The following DNM2 variants were observed in gnomAD, a reference collection of about 807,000 sequenced individuals.
DNM2 encodes dynamin-2.
Under a neutral mutation model 99.0 loss-of-function variants are expected in DNM2, and 15 were observed. The observed-to-expected ratio is 0.15, with a 90% CI of 0.10 to 0.23. DNM2 has a LOEUF of 0.23. DNM2 is among the 10% of genes least tolerant of loss of function. DNM2 has a pLI of 1.00. For missense variants in DNM2, 742 were observed against 1,189.4 expected, an observed-to-expected ratio of 0.62 and a Z score of 5.53; for synonymous variants, 525 against 481.2, an observed-to-expected ratio of 1.09 and a Z score of -1.19.
chr19:10,734,348 A>AAT (rs2069443497), intron 1 of DNM2, among the ~76,000 whole-genome samples: 1 of 151,140 alleles, frequency 6.6e-6, no homozygotes, highest in Admixed American at 6.6e-5. Context: ...GTCTCAAAAA[A>AAT]AAAAAAAAAA....
chr19:10,757,132 G>C (rs2070415652), intron 1 of DNM2, among the ~76,000 whole-genome samples: 2 of 152,168 alleles, frequency 1.3e-5, no homozygotes, highest in African/African-American at 4.8e-5. Flanking sequence ...ACTGGAGGCT[G>C]CTTCTAAAAC....
intron 15 of DNM2, among the ~76,000 whole-genome samples, chr19:10,819,533 C>T (rs1385754827): frequency 6.6e-6 from 1 of 152,188 alleles, no homozygotes; most frequent in Non-Finnish European, 1.5e-5. Context: ...GTGAACTCAA[C>T]AGGAGTCCCT....
intron 13 of DNM2, among the ~76,000 whole-genome samples, chr19:10,806,898 G>A (rs1457760876): frequency 2.0e-5 from 3 of 152,102 alleles, no homozygotes; most frequent in African/African-American, 7.2e-5. Context: ...GAGCCCCTAG[G>A]TGAGAGCCGC....
rs766121627 is a variant in DNM2, at chr19:10,775,767, A to G, written c.450A>G (p.Pro150=). ...AGGTGCCTGTGGGCGACCAGCCTCCAGACATCGAGTACCAGATCAAGGACA... is the reference window on the plus strand; with the variant it reads ...AGGTGCCTGTGGGCGACCAGCCTCCGGACATCGAGTACCAGATCAAGGACA... ...ITKVPVGDQP[P]DIEYQIKDMI... Residue 150 remains proline, a synonymous_variant, in exon 4 of 21, where the codon CCA becomes CCG. Transcript: ENST00000389253. The surrounding 1 kb of genome is among the most constrained non-coding windows in gnomAD (Gnocchi z 4.3). 4.9e-5 allele frequency: 79 copies of G among 1,614,132 alleles called. 1 individual carries two copies. The East Asian group carries it at 1.6e-3, about 32-fold the overall frequency.
intron 3 of DNM2, among the ~76,000 whole-genome samples, chr19:10,773,146 A>AT (rs71164120): frequency 2.1e-3 from 207 of 97,632 alleles, no homozygotes; most frequent in African/African-American, 6.5e-3. Context: ...CACCCAGCTA[A>AT]TTTTTTTTTT....
At position 10,770,068 on chromosome 19, in the gene DNM2, C is replaced by A. The variant is rs536782200; in HGVS notation, c.236-2411C>A. Among the ~76,000 whole-genome samples the A allele has an allele frequency of 2.0e-5, 3 of 152,352 alleles. No individual in the cohort carries two copies. In the South Asian group the frequency reaches 6.2e-4, roughly 32 times the overall value. On this transcript the variant is annotated intron_variant, in intron 2 of 20. Coordinates refer to ENST00000389253, the MANE Select transcript of DNM2 (RefSeq NM_001005361.3). ...AAATGGGGATCTTAGAGATGCCTAC[C>A]TGTCAAGGGACTTGTGAGGCGCAAC...
chr19:10,741,368 A>T (rs1300583477), intron 1 of DNM2, among the ~76,000 whole-genome samples: 3 of 151,862 alleles, frequency 2.0e-5, no homozygotes, highest in Non-Finnish European at 4.4e-5. Context: ...AGTAGCTGGG[A>T]CCACAGGCGT....
Position 10,772,880 on chromosome 19 carries a change from T to TC in DNM2, c.385+257dup, listed in dbSNP as rs2071025779. On this transcript the variant is annotated intron_variant, in intron 3 of 20. Transcript: ENST00000389253. The surrounding 1 kb of genome is among the most constrained non-coding windows in gnomAD (Gnocchi z 4.9). ...GGAGTGGTGGGGGATTGCAGCCATTTCCCCCTTTTACCAAGGGCAGCCACC... is the reference window on the plus strand; with the variant it reads ...GGAGTGGTGGGGGATTGCAGCCATTTCCCCCCTTTTACCAAGGGCAGCCACC... Among the ~76,000 whole-genome samples, 3 of 151,602 alleles carry TC rather than the reference T, an allele frequency of 2.0e-5. No homozygotes were observed. Among genetic ancestry groups the TC allele is most frequent in the Admixed American group, 2.0e-4 (3 of 15,166 alleles).
At chr19:10,794,371 G>T (rs904394157) in intron 8 of DNM2, among the ~76,000 whole-genome samples, 2 of 151,990 alleles carry the variant, frequency 1.3e-5, no homozygotes, top group African/African-American at 4.8e-5. Context: ...GTGTGTGTGT[G>T]TGTGTGTGAT....
At chr19:10,792,382 C>T (rs988381020) in intron 7 of DNM2, among the ~76,000 whole-genome samples, 4 of 152,162 alleles carry the variant, frequency 2.6e-5, no homozygotes, top group Admixed American at 6.5e-5. Context: ...GGGAGGGAAA[C>T]TGATGAAGGG....
At chr19:10,754,191 C>T (rs556696146) in intron 1 of DNM2, among the ~76,000 whole-genome samples, 9 of 152,008 alleles carry the variant, frequency 5.9e-5, no homozygotes, top group South Asian at 2.1e-4. Flanking sequence ...TGAATCTTCA[C>T]GAACATGTTC....
rs181892153 is a variant in DNM2 at position 10,757,860 on chromosome 19, G to A, written c.162-1878G>A. On this transcript the variant is annotated intron_variant, in intron 1 of 20. Coordinates refer to ENST00000389253, the MANE Select transcript of DNM2 (RefSeq NM_001005361.3). ...CTCAGGAGGCTGAGGCAGGAGAATC[G>A]CTTGAACCCGAGGCAGAGGTTGCAG... 5.7e-3 allele frequency among the ~76,000 whole-genome samples: 852 copies of A among 148,874 alleles called. 17 individuals carry two copies. Among genetic ancestry groups the A allele is most frequent in the African/African-American group, 0.021 (823 of 40,140 alleles).
chr19:10,823,967 C>T, intron 17 of DNM2, 68 bp downstream of exon 17: 2 of 1,506,096 alleles, frequency 1.3e-6, no homozygotes, highest in Non-Finnish European at 1.8e-6. Context: ...GCTGGCTTTC[C>T]CCAGGACAGG....
Position 10,812,082 on chromosome 19 carries a change from C to A in DNM2, c.1558-182C>A. The A allele has an allele frequency of 1.7e-6, 1 of 577,616 alleles. No individual in the cohort carries two copies. The highest frequency in any genetic ancestry group is 3.9e-5 in the East Asian group (1 of 25,726). 35.8% of individuals were successfully genotyped at this position (577,616 alleles called of 1,614,324 possible). A position where few individuals can be genotyped will look rare whatever the true frequency, so the allele number is the denominator to read the frequency against. Reference sequence around the variant, plus strand: ...CCGCCCACCTGCCCAGGTGGCGCCTCATGTTGGTTTCCTGCTGGAAATGCT... The same window carrying A: ...CCGCCCACCTGCCCAGGTGGCGCCTAATGTTGGTTTCCTGCTGGAAATGCT... On this transcript the variant is annotated intron_variant, in intron 14 of 20. Coordinates refer to ENST00000389253, the MANE Select transcript of DNM2 (RefSeq NM_001005361.3). The surrounding 1 kb of genome is among the most constrained non-coding windows in gnomAD (Gnocchi z 4.0).
intron 10 of DNM2, among the ~76,000 whole-genome samples, chr19:10,797,848 A>T (rs901846798): frequency 5.9e-5 from 9 of 152,226 alleles, no homozygotes; most frequent in Non-Finnish European, 1.3e-4. Flanking sequence ...TCATCTGTAT[A>T]GCCCTGCATG....
intron 2 of DNM2, among the ~76,000 whole-genome samples, chr19:10,770,610 G>T (rs1941952002): frequency 6.6e-6 from 1 of 152,166 alleles, no homozygotes; most frequent in Admixed American, 6.6e-5. Context: ...AGGTTTAATG[G>T]AGTTACAGTT....
rs569502521 is a variant in DNM2, at chr19:10,831,129, C to T, written c.*82C>T. ...CAGTGGTCTGGGGCCCTCCGCCGCCCCTATGCTGGGACCAGGCTCCCAGTG... is the reference window on the plus strand; with the variant it reads ...CAGTGGTCTGGGGCCCTCCGCCGCCTCTATGCTGGGACCAGGCTCCCAGTG... On this transcript the variant is annotated 3_prime_UTR_variant, in exon 21 of 21. Transcript: ENST00000389253. The surrounding 1 kb of genome is among the most constrained non-coding windows in gnomAD (Gnocchi z 4.3). 5.2e-4 allele frequency: 771 copies of T among 1,493,176 alleles called. 1 individual carries two copies. The highest frequency in any genetic ancestry group is 6.6e-4 in the Non-Finnish European group (738 of 1,121,470). 92.5% of individuals were successfully genotyped at this position (1,493,176 alleles called of 1,614,324 possible).
chr19:10,735,402 A>G (rs2145732438), intron 1 of DNM2, among the ~76,000 whole-genome samples: 1 of 152,334 alleles, frequency 6.6e-6, no homozygotes, highest in South Asian at 2.1e-4. Context: ...TGACAGTGAT[A>G]ACTGATGATG....
intron 1 of DNM2, among the ~76,000 whole-genome samples, chr19:10,737,780 C>T (rs1271229796): frequency 2.0e-5 from 3 of 152,186 alleles, no homozygotes; most frequent in South Asian, 2.1e-4. Context: ...CCACCGCACC[C>T]GGCCTATTTG....
Sources: gnomAD v4.1 joint callset for allele counts (sites outside exome capture counted in the v4.1 genomes callset) on GRCh38, gnomAD v4.1.1 for gene constraint, Gnocchi (gnomAD v3.1) non-coding constraint, MANE v1.5 for transcripts, NCBI Gene and HGNC (gene_info 2026-07-23, HGNC 2026-07-21) for gene names.